KIF16B: variants seen among roughly 807,000 people sequenced by gnomAD.
The protein encoded by KIF16B is kinesin-like protein KIF16B.
A neutral mutation model predicts 156.3 loss-of-function variants in KIF16B; 98 were observed. That is an observed-to-expected ratio of 0.63 (90% CI 0.53 to 0.74). The LOEUF is 0.74. Among genes scored for constraint, KIF16B ranks in the 30% least tolerant of loss-of-function variants. The probability of loss-of-function intolerance (pLI) is 0.00; values close to 1 mark genes in which losing one functional copy is unlikely to be tolerated. For missense variants in KIF16B, 1,421 were observed against 1,606.5 expected, an observed-to-expected ratio of 0.88 and a Z score of 1.97; for synonymous variants, 564 against 583.7, an observed-to-expected ratio of 0.97 and a Z score of 0.49.
intron 22 of KIF16B, among the ~76,000 whole-genome samples, chr20:16,360,983 G>A (rs1159678016): frequency 6.6e-6 from 1 of 152,106 alleles, no homozygotes; most frequent in African/African-American, 2.4e-5. Flanking sequence ...TTCTAATTAT[G>A]TACCAGACGG....
chr20:16,332,077 T>C (rs1315227230), intron 24 of KIF16B, among the ~76,000 whole-genome samples: 1 of 152,168 alleles, frequency 6.6e-6, no homozygotes, highest in Non-Finnish European at 1.5e-5. Context: ...GTGAGTGAAA[T>C]AAGATTTAGA....
intron 12 of KIF16B, among the ~76,000 whole-genome samples, chr20:16,459,235 A>G (rs967680676): frequency 2.0e-5 from 3 of 152,238 alleles, no homozygotes; most frequent in African/African-American, 7.2e-5. Context: ...GAGGCATGAA[A>G]TGTAGTCCCT....
chr20:16,547,068 C>T (rs985695789), intron 1 of KIF16B, among the ~76,000 whole-genome samples: 2 of 152,206 alleles, frequency 1.3e-5, no homozygotes. Context: ...TGAGCCACCG[C>T]ACCCAGCTTT....
At chr20:16,513,647 C>T (rs2069033510) in intron 4 of KIF16B, among the ~76,000 whole-genome samples, 1 of 104,734 alleles carries the variant, frequency 9.5e-6, no homozygotes, top group African/African-American at 3.8e-5. Context: ...GCAACAAGAG[C>T]AAAACTACGT....
chr20:16,553,744 C>A (rs567835051), intron 1 of KIF16B, among the ~76,000 whole-genome samples: 9 of 152,240 alleles, frequency 5.9e-5, no homozygotes, highest in Non-Finnish European at 1.3e-4. Flanking sequence ...CAGTGGTCCA[C>A]CTGCAGCAAC....
chr20:16,508,242 T>TA (rs2068847812), intron 6 of KIF16B, 142 bp from the exon 7 acceptor site: 2 of 927,820 alleles, frequency 2.2e-6, no homozygotes. Context: ...AGGGTGGTGG[T>TA]ATGTAATGCA....
intron 3 of KIF16B, 133 bp from the exon 4 acceptor site, chr20:16,515,797 A>T: frequency 3.6e-6 from 2 of 563,338 alleles, no homozygotes; most frequent in Non-Finnish European, 6.3e-6. Context: ...ATCACTGCAG[A>T]ACCATTCACA....
chr20:16,459,375 A>G (rs1230877731), intron 12 of KIF16B, among the ~76,000 whole-genome samples: 2 of 152,198 alleles, frequency 1.3e-5, no homozygotes, highest in Non-Finnish European at 2.9e-5. Context: ...AATTTTCCCA[A>G]AAGCCTAGGC....
chr20:16,380,353 C>T (rs1040502130), intron 18 of KIF16B, among the ~76,000 whole-genome samples, 190 bp from the exon 19 acceptor site: 3 of 152,120 alleles, frequency 2.0e-5, no homozygotes, highest in African/African-American at 4.8e-5. Context: ...TTTTAACTGT[C>T]CAACATATCA....
chr20:16,341,814 T>C (rs1244869410), intron 23 of KIF16B, among the ~76,000 whole-genome samples: 1 of 152,214 alleles, frequency 6.6e-6, no homozygotes, highest in Non-Finnish European at 1.5e-5. Context: ...ACTGGTCATG[T>C]TGTCACTTCA....
chr20:16,546,977 A>G (rs2070431993), intron 1 of KIF16B, among the ~76,000 whole-genome samples: 1 of 151,900 alleles, frequency 6.6e-6, no homozygotes, highest in South Asian at 2.1e-4. Flanking sequence ...GGGTTTTGCC[A>G]TTTTGCCCAG....
chr20:16,551,530 G>A (rs1370998970), intron 1 of KIF16B, among the ~76,000 whole-genome samples: 1 of 152,144 alleles, frequency 6.6e-6, no homozygotes, highest in Non-Finnish European at 1.5e-5. Flanking sequence ...ACCTCCCAAG[G>A]CCCTAAAGGT....
intron 17 of KIF16B, among the ~76,000 whole-genome samples, chr20:16,400,105 T>C (rs1568936658): frequency 6.6e-6 from 1 of 152,200 alleles, no homozygotes; most frequent in Non-Finnish European, 1.5e-5. Context: ...ATGAGCTAGT[T>C]GAACTGAACT....
chr20:16,468,575 C>CAAAAA (rs550510241), intron 12 of KIF16B, among the ~76,000 whole-genome samples: 4 of 35,848 alleles, frequency 1.1e-4, no homozygotes, highest in African/African-American at 3.1e-4. Flanking sequence ...GACTCCGTCT[C>CAAAAA]AAAAAAAAAA....
chr20:16,314,944 G>C (rs1376266216), intron 24 of KIF16B, among the ~76,000 whole-genome samples: 3 of 152,126 alleles, frequency 2.0e-5, no homozygotes, highest in African/African-American at 7.2e-5. Flanking sequence ...CAGTACAAAC[G>C]TGCCTCCCGC....
At chr20:16,547,075 C>T (rs1410558102) in intron 1 of KIF16B, among the ~76,000 whole-genome samples, 4 of 152,196 alleles carry the variant, frequency 2.6e-5, no homozygotes, top group Non-Finnish European at 5.9e-5. Context: ...CCGCACCCAG[C>T]TTTCACTTAT....
At chr20:16,410,214 C>CATGTAGGTACATATAGATAT (rs2065914146) in intron 15 of KIF16B, among the ~76,000 whole-genome samples, 1 of 120,226 alleles carries the variant, frequency 8.3e-6, no homozygotes, top group Non-Finnish European at 1.7e-5. Flanking sequence ...GGTACATATA[C>CATGTAGGTACATATAGATAT]ATGTAGGTAC....
intron 24 of KIF16B, among the ~76,000 whole-genome samples, chr20:16,323,704 C>T (rs1037723062): frequency 6.6e-6 from 1 of 151,862 alleles, no homozygotes; most frequent in Non-Finnish European, 1.5e-5. Flanking sequence ...CTGCAACATA[C>T]TAGACCCTCC....
intron 17 of KIF16B, among the ~76,000 whole-genome samples, chr20:16,385,415 G>T (rs561671271): frequency 1.3e-5 from 2 of 152,206 alleles, no homozygotes; most frequent in South Asian, 2.1e-4. Context: ...AGTCCTATAG[G>T]GGGGCAGGAA....
Sources: allele counts gnomAD v4.1 joint callset (sites outside exome capture counted in the v4.1 genomes callset), GRCh38; gene constraint gnomAD v4.1.1; transcripts MANE v1.5; gene names NCBI Gene and HGNC (gene_info 2026-07-23, HGNC 2026-07-21).